COL4A1: variants seen among roughly 807,000 people sequenced by gnomAD.
COL4A1 encodes the protein collagen alpha-1(IV) chain.
COL4A1 carries 40 observed loss-of-function variants against 216.6 expected under a neutral mutation model. The observed-to-expected ratio is 0.18, with a 90% CI of 0.14 to 0.24. The LOEUF (loss-of-function observed/expected upper bound fraction) is 0.24, where lower values mean the gene tolerates loss of function less well. COL4A1 is among the 10% of genes least tolerant of loss of function. The probability of loss-of-function intolerance (pLI) is 1.00; values close to 1 mark genes in which losing one functional copy is unlikely to be tolerated. For synonymous variants in COL4A1, 839 were observed against 810.7 expected (o/e 1.03, Z -0.59); for missense variants, 1,628 against 2,196.8 (o/e 0.74, Z 5.18).
chr13:110,170,851 G>T, intron 41 of COL4A1, 119 bp from the exon 42 acceptor site: 1 of 1,063,912 alleles, frequency 9.4e-7, no homozygotes, highest in Non-Finnish European at 1.4e-6. Flanking sequence ...CTCAGAGGGA[G>T]CTTCCAGGGA....
Position 110,177,863 on chromosome 13 carries a change from G to A in COL4A1, c.2695C>T (p.Pro899Ser), listed in dbSNP as rs1430850146. The A allele has an allele frequency of 2.5e-6, 4 of 1,614,022 alleles. No individual in the cohort carries two copies. The highest frequency in any genetic ancestry group is 2.5e-6 in the Non-Finnish European group (3 of 1,180,052). ...QPGSPGPVGAPGLPGEKGDHG... is the reference protein window; with the variant it reads ...QPGSPGPVGASGLPGEKGDHG... ...CTACCTTTTTCACCCGGTAATCCAG[G>A]AGCACCCACTGGTCCTGGTGAGCCC... is the stretch of plus-strand genomic sequence containing the variant. The change falls in exon 33 of 52, where the codon CCT (proline) becomes TCT (serine). Residue 899 changes from proline to serine, a missense_variant. Physicochemically the swap from Pro to Ser is moderately conservative, Grantham distance 74 (BLOSUM62 -1). Around this residue, in one of 8 missense-constraint regions of COL4A1, gnomAD observed 701 missense variants for 892.5 expected, o/e 0.79. Coordinates refer to ENST00000375820, the MANE Select transcript of COL4A1 (RefSeq NM_001845.6).
intron 2 of COL4A1, among the ~76,000 whole-genome samples, chr13:110,239,316 G>A (rs1156950207): frequency 1.3e-5 from 2 of 152,182 alleles, no homozygotes; most frequent in African/African-American, 2.4e-5. Flanking sequence ...GATTTGTACT[G>A]GAGATATTCC....
chr13:110,279,870 G>C lies in COL4A1; in HGVS notation c.84+27074C>G, dbSNP rs13378899. ...TGTCTCCCGTGGGCCTGCATCGAGA[G>C]GGCTGGCTGCCCTCCTTACTGTGGC... On this transcript the variant is annotated intron_variant, in intron 1 of 51. Coordinates refer to ENST00000375820, the MANE Select transcript of COL4A1 (RefSeq NM_001845.6). Among the ~76,000 whole-genome samples the C allele has an allele frequency of 3.3e-3, 495 of 152,294 alleles. 6 individuals carry two copies. The highest frequency in any genetic ancestry group is 0.011 in the African/African-American group (465 of 41,562).
At chr13:110,182,360 C>T (rs1285675816) in intron 28 of COL4A1, among the ~76,000 whole-genome samples, 1 of 152,130 alleles carries the variant, frequency 6.6e-6, no homozygotes, top group Non-Finnish European at 1.5e-5. Flanking sequence ...AGTGTGGCTG[C>T]GTGGTGTGTT....
chr13:110,190,152 G>A (rs1437556090), intron 24 of COL4A1, among the ~76,000 whole-genome samples: 3 of 151,488 alleles, frequency 2.0e-5, no homozygotes, highest in African/African-American at 4.9e-5. Context: ...TTCTATTTAC[G>A]GGAGAAATCT....
chr13:110,264,590 G>C (rs1317376535), intron 1 of COL4A1, among the ~76,000 whole-genome samples: 1 of 152,172 alleles, frequency 6.6e-6, no homozygotes, highest in African/African-American at 2.4e-5. Context: ...ATCTACCAAA[G>C]AATGCCAACT....
chr13:110,275,863 C>T (rs1193069), intron 1 of COL4A1, among the ~76,000 whole-genome samples: 14,189 of 152,040 alleles, frequency 0.093, 861 homozygotes, highest in East Asian at 0.31. Context: ...TGCAAAACTA[C>T]GGAGACAGCA....
In COL4A1 at chr13:110,190,416, C is replaced by T. The variant is rs553343756; in HGVS notation, c.1536+1798G>A. Among the ~76,000 whole-genome samples the T allele has an allele frequency of 9.7e-4, 147 of 152,302 alleles. 1 individual carries two copies. The highest frequency in any genetic ancestry group is 3.4e-3 in the African/African-American group (143 of 41,570). ...CAGGGAGTGTTGGTTTCAATTCATC[C>T]TCCCAGTGACCAGGAACCATGAAAC... On this transcript the variant is annotated intron_variant, in intron 24 of 51. Coordinates refer to ENST00000375820, the MANE Select transcript of COL4A1 (RefSeq NM_001845.6).
chr13:110,219,757 T>C (rs1242055744), intron 2 of COL4A1, among the ~76,000 whole-genome samples: 3 of 135,668 alleles, frequency 2.2e-5, no homozygotes, highest in African/African-American at 7.6e-5. Flanking sequence ...TATGTGTATA[T>C]ATGCGTATAT....
Position 110,242,727 on chromosome 13 carries a change from C to G in COL4A1, c.92G>C (p.Cys31Ser). Reference sequence around the variant, plus strand: ...ACATTTGCCACAGCCAGAGCCAGCACAGCCACCCTGGAAGGAAAAGAAAAC... The same window carrying G: ...ACATTTGCCACAGCCAGAGCCAGCAGAGCCACCCTGGAAGGAAAAGAAAAC... ...EHSRAAAKGGCAGSGCGKCDC... is the reference protein window; with the variant it reads ...EHSRAAAKGGSAGSGCGKCDC... Residue 31 changes from cysteine (C) to serine (S), a missense_variant, in exon 2 of 52, where the codon TGT becomes TCT. Physicochemically the swap from Cys to Ser is moderately radical, Grantham distance 112. Coordinates refer to ENST00000375820, the MANE Select transcript of COL4A1 (RefSeq NM_001845.6). 1 of 1,614,236 alleles carries G rather than the reference C, an allele frequency of 6.2e-7. No individual in the cohort carries two copies. Among genetic ancestry groups the G allele is most frequent in the Non-Finnish European group, 8.5e-7 (1 of 1,180,032 alleles).
In COL4A1 at chr13:110,205,377, T is replaced by C. The variant is rs1373981791; in HGVS notation, c.933A>G (p.Gly311=). 1 of 1,613,828 alleles carries C rather than the reference T, an allele frequency of 6.2e-7. No homozygotes were observed. Among genetic ancestry groups the C allele is most frequent in the African/African-American group, 1.3e-5 (1 of 74,798 alleles). Residue 311 remains glycine (G), a synonymous_variant, in exon 17 of 52, where the codon GGA becomes GGG. Coordinates refer to ENST00000375820, the MANE Select transcript of COL4A1 (RefSeq NM_001845.6). ...PGFPGEPGYP[G]LIGRQGPQGE... ...CCTGCGGGCCCTGGCGGCCTATGAG[T>C]CCTGGGTACCCGGGTTCACCAGGAA...
intron 2 of COL4A1, among the ~76,000 whole-genome samples, chr13:110,229,820 C>T (rs1188985287): frequency 6.6e-6 from 1 of 152,218 alleles, no homozygotes; most frequent in Non-Finnish European, 1.5e-5. Context: ...ATTACAGCAT[C>T]CTGGGGAGAC....
intron 2 of COL4A1, among the ~76,000 whole-genome samples, chr13:110,233,446 A>G (rs1881159068): frequency 6.6e-6 from 1 of 152,164 alleles, no homozygotes; most frequent in Non-Finnish European, 1.5e-5. Context: ...TGTCAAAGTC[A>G]GATACTTTGG....
In COL4A1 at chr13:110,210,056, G is replaced by A. The variant is rs1879708429; in HGVS notation, c.553-14C>T. On this transcript the variant is annotated splice_polypyrimidine_tract_variant and intron_variant, in intron 9 of 51. Coordinates refer to ENST00000375820, the MANE Select transcript of COL4A1 (RefSeq NM_001845.6). ...TCCTGGTGGGCCCTAGAATGCATGA[G>A]AAAGAAATGAGTTCAGATGCGAACT... The A allele has an allele frequency of 1.2e-6, 2 of 1,614,074 alleles. No individual in the cohort carries two copies. The highest frequency in any genetic ancestry group is 1.7e-5 in the Admixed American group (1 of 60,024).
intron 50 of COL4A1, among the ~76,000 whole-genome samples, chr13:110,154,757 A>AGTCATATGGAGAAGCTG (rs1566334486): frequency 1.3e-5 from 2 of 150,106 alleles, no homozygotes; most frequent in Non-Finnish European, 1.5e-5. Context: ...CAGAGAAGCT[A>AGTCATATGGAGAAGCTG]GTCATATGGA....
rs1430030155 is a variant in COL4A1, at chr13:110,174,604, A to C, written c.3325+19T>G. On this transcript the variant is annotated intron_variant, in intron 38 of 51. Coordinates refer to ENST00000375820, the MANE Select transcript of COL4A1 (RefSeq NM_001845.6). ...ATTTCTTAGATTCCCCAAGTCCAAGAGAAGCCCCCCTCACCTACCTGGATA... is the reference window on the plus strand; with the variant it reads ...ATTTCTTAGATTCCCCAAGTCCAAGCGAAGCCCCCCTCACCTACCTGGATA... The C allele has an allele frequency of 6.2e-7, 1 of 1,614,146 alleles. No homozygotes were observed. Among genetic ancestry groups the C allele is most frequent in the Admixed American group, 1.7e-5 (1 of 60,030 alleles).
intron 1 of COL4A1, among the ~76,000 whole-genome samples, chr13:110,293,351 G>A (rs527671445): frequency 3.9e-5 from 6 of 152,320 alleles, no homozygotes; most frequent in East Asian, 1.9e-4. Flanking sequence ...CGGCTGCTGC[G>A]TCTACCTAGA....
In COL4A1 at chr13:110,174,532, G is replaced by GAA; in HGVS notation, c.3326-8_3326-7dup. 6.2e-7 allele frequency: 1 copy of GAA among 1,613,980 alleles called. No homozygotes were observed. Among genetic ancestry groups the GAA allele is most frequent in the Non-Finnish European group, 8.5e-7 (1 of 1,179,986 alleles). The stretch of plus-strand genomic sequence containing the variant: ...TCCAGGTAGCCCAGGACTTCCTAAA[G>GAA]AAAAAAACAAAACACCAGAACATCC... On this transcript the variant is annotated splice_polypyrimidine_tract_variant and splice_region_variant and intron_variant, in intron 38 of 51. Transcript: ENST00000375820.
intron 46 of COL4A1, among the ~76,000 whole-genome samples, chr13:110,164,492 T>TG (rs1398837598): frequency 6.6e-6 from 1 of 152,150 alleles, no homozygotes; most frequent in Non-Finnish European, 1.5e-5. Flanking sequence ...GCAGCGCTCC[T>TG]GGGGGCATGG....
Sources: gnomAD v4.1 joint callset for allele counts (sites outside exome capture counted in the v4.1 genomes callset) on GRCh38, gnomAD v4.1.1 for gene constraint, gnomAD v4.1.1 regional missense constraint, MANE v1.5 for transcripts, NCBI Gene and HGNC (gene_info 2026-07-23, HGNC 2026-07-21) for gene names.